Variants in MGST1 observed in about 807,000 individuals in gnomAD.
The protein encoded by MGST1 is glutathione S-transferase 12.
A neutral mutation model predicts 8.9 loss-of-function variants in MGST1; 5 were observed. The observed-to-expected ratio is 0.56, with a 90% confidence interval of 0.29 to 1.19. MGST1 has a LOEUF of 1.19. MGST1 is among the 50% of genes most tolerant of loss of function. MGST1 has a pLI of 0.08. For missense variants in MGST1, 182 were observed against 187.4 expected, an observed-to-expected ratio of 0.97 and a Z score of 0.17; for synonymous variants, 54 against 67.8, an observed-to-expected ratio of 0.80 and a Z score of 1.00.
At chr12:16,424,025 G>A (rs11056936) in intron 1 of MGST1, among the ~76,000 whole-genome samples, 12,604 of 152,136 alleles carry the variant, frequency 0.083, 1,762 homozygotes, top group African/African-American at 0.29. Flanking sequence ...CAATAAAACA[G>A]CCTATCTAGC....
At chr12:16,571,106 G>A (rs1021270405) in intron 4 of MGST1, among the ~76,000 whole-genome samples, 4 of 151,910 alleles carry the variant, frequency 2.6e-5, no homozygotes, top group East Asian at 1.9e-4. Flanking sequence ...ATCTTACCTC[G>A]TTGAAGAAAC....
chr12:16,358,779 C>CT lies in MGST1; in HGVS notation c.221+1109dup, dbSNP rs35081887. Among the ~76,000 whole-genome samples, 320 of 57,576 alleles carry CT rather than the reference C, an allele frequency of 5.6e-3. 21 individuals are homozygous for CT. Among genetic ancestry groups the CT allele is most frequent in the East Asian group, 0.029 (53 of 1,808 alleles). The allele number at this position is 57,576 out of a possible 152,430, so 37.8% of individuals were successfully genotyped here. A position where few individuals can be genotyped will look rare whatever the true frequency, so the allele number is the denominator to read the frequency against. ...CACCGGACCTGGCCAAAATTCATTC[C>CT]TTTTTTTTTTTTTTTTTTTTTTTTT... On this transcript the variant is annotated intron_variant, in intron 3 of 3. Coordinates refer to ENST00000396210, the MANE Select transcript of MGST1 (RefSeq NM_020300.5).
upstream of MGST1, among the ~76,000 whole-genome samples, chr12:16,347,384 A>G (rs1238376147): frequency 6.6e-6 from 1 of 152,126 alleles, no homozygotes; most frequent in African/African-American, 2.4e-5. This position sits in a 1 kb window ranked among gnomAD's most constrained non-coding sequence, Gnocchi z 4.0. Context: ...AATGTTCGAG[A>G]ATTCAGAGTT....
chr12:16,483,387 A>G (rs1941377929), intron 4 of MGST1, among the ~76,000 whole-genome samples: 1 of 152,056 alleles, frequency 6.6e-6, no homozygotes, highest in Admixed American at 6.6e-5. Context: ...ATATATTAAT[A>G]AAACATGCAA....
At chr12:16,406,184 G>A (rs1402365429) in intron 1 of MGST1, among the ~76,000 whole-genome samples, 1 of 152,092 alleles carries the variant, frequency 6.6e-6, no homozygotes, top group Non-Finnish European at 1.5e-5. Flanking sequence ...CAGCCCAAAA[G>A]CTCATTAAGC....
At chr12:16,554,579 T>TA (rs1285343568) in intron 4 of MGST1, among the ~76,000 whole-genome samples, 1 of 152,222 alleles carries the variant, frequency 6.6e-6, no homozygotes, top group East Asian at 1.9e-4. Flanking sequence ...ACCCTTAGTG[T>TA]ATCAAATGAC....
chr12:16,434,954 T>G (rs2137097230), intron 1 of MGST1, among the ~76,000 whole-genome samples: 1 of 152,184 alleles, frequency 6.6e-6, no homozygotes, highest in South Asian at 2.1e-4. Context: ...TTTAGTTCAC[T>G]TAACCTGGCA....
At chr12:16,536,639 A>C (rs1941758438) in intron 4 of MGST1, among the ~76,000 whole-genome samples, 1 of 152,232 alleles carries the variant, frequency 6.6e-6, no homozygotes, top group Non-Finnish European at 1.5e-5. Flanking sequence ...TTACAGTTCC[A>C]TATGGCTGGG....
chr12:16,399,464 A>G (rs1321167691), intron 1 of MGST1: 35 of 1,549,290 alleles, frequency 2.3e-5, no homozygotes, highest in Non-Finnish European at 2.8e-5. Flanking sequence ...GTTCATCCCA[A>G]TCCTTTCCAC....
In MGST1 at chr12:16,517,011, A is replaced by G. The variant is rs4764276; in HGVS notation, n.483-72517A>G. 0.51 allele frequency among the ~76,000 whole-genome samples: 77,884 copies of G among 151,938 alleles called. 20,101 individuals carry two copies. Among genetic ancestry groups the G allele is most frequent in the Admixed American group, 0.58 (8,831 of 15,274 alleles). ...TAGCTCTACATTTTTCTTATCCCAG[A>G]GGCTGACAGTTTTCAGTGGCTACAG... is the stretch of plus-strand genomic sequence containing the variant. On this transcript the variant is annotated intron_variant and non_coding_transcript_variant, in intron 4 of 4. Coordinates refer to the MGST1 transcript ENST00000538857. This position sits in a 1 kb window ranked among gnomAD's most constrained non-coding sequence, Gnocchi z 4.2.
Position 16,401,161 on chromosome 12 carries a change from A to G in MGST1, n.778+17557A>G, listed in dbSNP as rs1056877928. 1.3e-6 allele frequency: 2 copies of G among 1,561,184 alleles called. No homozygotes were observed. Among genetic ancestry groups the G allele is most frequent in the South Asian group, 2.2e-5 (2 of 89,894 alleles). The stretch of plus-strand genomic sequence containing the variant: ...ACCCACATTCTTCACTTTCTTCTTC[A>G]CAGAAGTGAGAACAGTAGCTGGGCC... On this transcript the variant is annotated intron_variant and non_coding_transcript_variant, in intron 1 of 1. Coordinates refer to the MGST1 transcript ENST00000359720. This position sits in a 1 kb window ranked among gnomAD's most constrained non-coding sequence, Gnocchi z 4.3.
chr12:16,414,957 G>C (rs1033110044), intron 1 of MGST1, among the ~76,000 whole-genome samples: 2 of 152,118 alleles, frequency 1.3e-5, no homozygotes, highest in African/African-American at 2.4e-5. Context: ...CTAGGAGGCG[G>C]AGGTTGCAGT....
At chr12:16,471,147 C>T (rs561399769) in intron 4 of MGST1, among the ~76,000 whole-genome samples, 3 of 152,134 alleles carry the variant, frequency 2.0e-5, no homozygotes, top group Non-Finnish European at 2.9e-5. Context: ...AATGGAAGAG[C>T]GGACTTAAAA....
chr12:16,397,843 TAATA>T (rs928475232), intron 1 of MGST1, among the ~76,000 whole-genome samples: 43 of 149,352 alleles, frequency 2.9e-4, no homozygotes, highest in Non-Finnish European at 4.4e-4. Flanking sequence ...ATAAATTTAA[TAATA>T]AATATTTAAT....
intron 1 of MGST1, among the ~76,000 whole-genome samples, chr12:16,394,360 T>TTTTC (rs1310640848): frequency 6.6e-6 from 1 of 151,856 alleles, no homozygotes; most frequent in Admixed American, 6.6e-5. Context: ...TTATTAATCA[T>TTTTC]TTTCTTTCTT....
intron 1 of MGST1, among the ~76,000 whole-genome samples, chr12:16,409,517 T>A (rs1186781691): frequency 6.6e-6 from 1 of 152,072 alleles, no homozygotes; most frequent in Non-Finnish European, 1.5e-5. Context: ...GGAGCTTATA[T>A]AGGGTGAGAG....
chr12:16,415,697 G>A (rs530251824), intron 1 of MGST1, among the ~76,000 whole-genome samples: 21 of 152,214 alleles, frequency 1.4e-4, no homozygotes, highest in African/African-American at 4.1e-4. Context: ...TATTGGTAAC[G>A]GTTCTGATCA....
rs1017217883 is a variant in MGST1 at position 16,389,950 on chromosome 12, T to C, written n.778+6346T>C. Among the ~76,000 whole-genome samples, 2 of 151,762 alleles carry C rather than the reference T, an allele frequency of 1.3e-5. No individual in the cohort carries two copies. Among genetic ancestry groups the C allele is most frequent in the Non-Finnish European group, 2.9e-5 (2 of 67,922 alleles). ...GAGCAATGCTCTTGTGAAAAGGGAG[T>C]TGAAGTGCAATACAGACTGCAGCTC... On this transcript the variant is annotated intron_variant and non_coding_transcript_variant, in intron 1 of 1. Coordinates refer to the MGST1 transcript ENST00000359720. This position sits in a 1 kb window ranked among gnomAD's most constrained non-coding sequence, Gnocchi z 4.6.
rs913377378 is a variant in MGST1 at position 16,547,905 on chromosome 12, T to C, written n.483-41623T>C. Among the ~76,000 whole-genome samples, 2 of 152,294 alleles carry C rather than the reference T, an allele frequency of 1.3e-5. No homozygotes were observed. The highest frequency in any genetic ancestry group is 2.4e-5 in the African/African-American group (1 of 41,568). On this transcript the variant is annotated intron_variant and non_coding_transcript_variant, in intron 4 of 4. Coordinates refer to the MGST1 transcript ENST00000538857. This position sits in a 1 kb window ranked among gnomAD's most constrained non-coding sequence, Gnocchi z 4.6. ...TCAGAGAGTGGTTTGCCTAAAGTGA[T>C]AGTTAAAAGGAAAACACTTTTGCAT...
Sources: allele counts gnomAD v4.1 joint callset (sites outside exome capture counted in the v4.1 genomes callset), GRCh38; gene constraint gnomAD v4.1.1; non-coding constraint Gnocchi (gnomAD v3.1); transcripts MANE v1.5; gene names NCBI Gene and HGNC (gene_info 2026-07-23, HGNC 2026-07-21).